The following TMEM132C variants were observed in gnomAD, a reference collection of about 807,000 sequenced individuals.
TMEM132C encodes transmembrane protein 132C.
TMEM132C carries 29 observed loss-of-function variants against 61.4 expected under a neutral mutation model. The observed-to-expected ratio is 0.47, with a 90% CI of 0.35 to 0.64. The LOEUF is 0.64. Among genes scored for constraint, TMEM132C ranks in the 30% least tolerant of loss-of-function variants. The pLI, the probability that TMEM132C is intolerant of heterozygous loss-of-function variation, is 0.00. For synonymous variants in TMEM132C, 656 were observed against 633.1 expected, an observed-to-expected ratio of 1.04 and a Z score of -0.54; for missense variants, 1,408 against 1,476.9, an observed-to-expected ratio of 0.95 and a Z score of 0.76.
chr12:128,679,309 G>C (rs1281366283), intron 5 of TMEM132C, among the ~76,000 whole-genome samples: 2 of 152,216 alleles, frequency 1.3e-5, no homozygotes, highest in African/African-American at 4.8e-5. Flanking sequence ...CTATTGCTGT[G>C]ATAATGCTGC....
intron 1 of TMEM132C, among the ~76,000 whole-genome samples, chr12:128,273,335 A>G (rs1176602714): frequency 6.6e-6 from 1 of 152,016 alleles, no homozygotes; most frequent in Non-Finnish European, 1.5e-5. Context: ...TCTAAAATCT[A>G]TTTTATCTGA....
chr12:128,285,651 C>A (rs1283013292), intron 1 of TMEM132C, among the ~76,000 whole-genome samples: 1 of 151,554 alleles, frequency 6.6e-6, no homozygotes, highest in African/African-American at 2.4e-5. Flanking sequence ...CTCTCTCTCT[C>A]TCTCTCCCTC....
intron 3 of TMEM132C, among the ~76,000 whole-genome samples, chr12:128,545,932 T>A (rs1873935973): frequency 6.6e-6 from 1 of 152,216 alleles, no homozygotes; most frequent in South Asian, 2.1e-4. Context: ...AGAAATAGTC[T>A]ATTACTGGAC....
At chr12:128,268,293 A>G (rs1012110548) in intron 1 of TMEM132C, among the ~76,000 whole-genome samples, 12 of 152,298 alleles carry the variant, frequency 7.9e-5, no homozygotes, top group African/African-American at 2.9e-4. Context: ...GGCTCACGAA[A>G]GGTAGCCGTG....
intron 2 of TMEM132C, among the ~76,000 whole-genome samples, chr12:128,416,835 T>G (rs1342837146): frequency 6.6e-6 from 1 of 152,194 alleles, no homozygotes; most frequent in African/African-American, 2.4e-5. Flanking sequence ...TGCTAATGTT[T>G]TCTGGATACG....
At chr12:128,686,894 C>T (rs1349222067) in intron 5 of TMEM132C, among the ~76,000 whole-genome samples, 1 of 151,876 alleles carries the variant, frequency 6.6e-6, no homozygotes, top group Non-Finnish European at 1.5e-5. Flanking sequence ...GGGGGAGTTG[C>T]CATTTAAAAT....
intron 1 of TMEM132C, among the ~76,000 whole-genome samples, chr12:128,347,385 A>G (rs1017159902): frequency 7.4e-6 from 1 of 134,550 alleles, no homozygotes; most frequent in South Asian, 2.3e-4. Context: ...TGCCATAAGC[A>G]TGCATATGTA....
chr12:128,337,910 A>G (rs1489588210), intron 1 of TMEM132C, among the ~76,000 whole-genome samples: 1 of 152,100 alleles, frequency 6.6e-6, no homozygotes, highest in African/African-American at 2.4e-5. Flanking sequence ...CAGTTCACAA[A>G]CACGTGAGAC....
At chr12:128,673,231 C>A (rs1391281166) in intron 5 of TMEM132C, among the ~76,000 whole-genome samples, 6 of 152,154 alleles carry the variant, frequency 3.9e-5, no homozygotes, top group Admixed American at 1.3e-4. Context: ...GAGGGTGGAG[C>A]CCCACGATGG....
At chr12:128,306,042 C>T (rs1488662998) in intron 1 of TMEM132C, among the ~76,000 whole-genome samples, 2 of 152,000 alleles carry the variant, frequency 1.3e-5, no homozygotes, top group East Asian at 1.9e-4. Context: ...TATATTCATC[C>T]CGATAGTGCT....
intron 1 of TMEM132C, among the ~76,000 whole-genome samples, chr12:128,393,340 G>T (rs11838133): frequency 6.0e-4 from 92 of 152,206 alleles, no homozygotes; most frequent in African/African-American, 2.2e-3. Flanking sequence ...AGTCAGACAC[G>T]TCTCAGGATT....
At chr12:128,267,604 G>C in intron 1 of TMEM132C, 117 bp downstream of exon 1, 1 of 851,562 alleles carries the variant, frequency 1.2e-6, no homozygotes, top group Non-Finnish European at 1.5e-6. Context: ...CGGGGGCTCG[G>C]ATCCCATCAA....
chr12:128,381,615 T>C (rs1200074500), intron 1 of TMEM132C, among the ~76,000 whole-genome samples: 1 of 152,170 alleles, frequency 6.6e-6, no homozygotes, highest in East Asian at 1.9e-4. Context: ...TCCTAGGGTC[T>C]CCTGCGGGAA....
At chr12:128,341,816 C>A (rs866997879) in intron 1 of TMEM132C, among the ~76,000 whole-genome samples, 9 of 152,192 alleles carry the variant, frequency 5.9e-5, no homozygotes, top group Admixed American at 2.0e-4. Flanking sequence ...CACCATTTCA[C>A]TACTTTGTAT....
chr12:128,330,730 C>G (rs1289290909), intron 1 of TMEM132C, among the ~76,000 whole-genome samples: 1 of 152,044 alleles, frequency 6.6e-6, no homozygotes, highest in Non-Finnish European at 1.5e-5. Context: ...TCTCATGTCC[C>G]CACTCTGAAT....
At chr12:128,649,343 C>T (rs1954244059) in intron 4 of TMEM132C, among the ~76,000 whole-genome samples, 1 of 152,206 alleles carries the variant, frequency 6.6e-6, no homozygotes, top group Admixed American at 6.5e-5. Flanking sequence ...AAGCAGAGAG[C>T]TGACACACTG....
rs370295572 is a variant in TMEM132C at position 128,447,753 on chromosome 12, T to C, written c.974+32133T>C. ...TTTTTTTTTTGAGACGGAGTCTCGC[T>C]CTGTCGCCCAGGCCGGACTGCGGAC... On this transcript the variant is annotated intron_variant, in intron 2 of 8. Transcript: ENST00000435159. Among the ~76,000 whole-genome samples, 438 of 116,934 alleles carry C rather than the reference T, an allele frequency of 3.7e-3. 34 individuals are homozygous for C. In the South Asian group the frequency reaches 0.058, roughly 15 times the overall value. The allele number at this position is 116,934 out of a possible 152,430, so 76.7% of individuals were successfully genotyped here. A position where few individuals can be genotyped will look rare whatever the true frequency, so the allele number is the denominator to read the frequency against.
At chr12:128,646,094 C>G (rs141794877) in intron 4 of TMEM132C, among the ~76,000 whole-genome samples, 241 of 150,944 alleles carry the variant, frequency 1.6e-3, no homozygotes, top group African/African-American at 5.6e-3. Context: ...TTACTGGAAC[C>G]TATCAGCATT....
chr12:128,386,784 A>T (rs1338419715), intron 1 of TMEM132C, among the ~76,000 whole-genome samples: 1 of 152,148 alleles, frequency 6.6e-6, no homozygotes, highest in Non-Finnish European at 1.5e-5. Context: ...TCAGGTCCTG[A>T]TGCGTAGTAG....
Sources: allele counts gnomAD v4.1 joint callset (sites outside exome capture counted in the v4.1 genomes callset), GRCh38; gene constraint gnomAD v4.1.1; transcripts MANE v1.5; gene names NCBI Gene and HGNC (gene_info 2026-07-23, HGNC 2026-07-21).